NUDT5: variants seen among roughly 807,000 people sequenced by gnomAD.
NUDT5 encodes nudix hydrolase 5, also known as ADP-sugar pyrophosphatase.
A neutral mutation model predicts 34.1 loss-of-function variants in NUDT5; 21 were observed. The ratio of observed to expected loss-of-function variants is 0.62; its 90% CI spans 0.44 to 0.89. The LOEUF is 0.89. Among genes scored for constraint, NUDT5 ranks in the 40% least tolerant of loss-of-function variants. The pLI, the probability that NUDT5 is intolerant of heterozygous loss-of-function variation, is 0.00. For synonymous variants in NUDT5, 85 were observed against 97.6 expected (o/e 0.87, Z 0.76); for missense variants, 249 against 274.8 (o/e 0.91, Z 0.66).
Position 12,170,622 on chromosome 10 carries a change from A to C in NUDT5, c.550+95T>G. 1.7e-6 allele frequency: 2 copies of C among 1,178,212 alleles called. No homozygotes were observed. Among genetic ancestry groups the C allele is most frequent in the Non-Finnish European group, 2.5e-6 (2 of 790,238 alleles). The allele number at this position is 1,178,212 out of a possible 1,614,324, so 73.0% of individuals were successfully genotyped here. ...GGCATTTGACTTTAGTGATACAAAAAAGATAAAGAAATGGAGTTATATTTA... is the reference window on the plus strand; with the variant it reads ...GGCATTTGACTTTAGTGATACAAAACAGATAAAGAAATGGAGTTATATTTA... On this transcript the variant is annotated intron_variant, in intron 9 of 9. Transcript: ENST00000491614. This position sits in a 1 kb window ranked among gnomAD's most constrained non-coding sequence, Gnocchi z 4.9.
Position 12,184,969 on chromosome 10 carries a change from C to G in NUDT5, c.64-13G>C, listed in dbSNP as rs201994643. 2.3e-4 allele frequency: 323 copies of G among 1,424,584 alleles called. No individual in the cohort carries two copies. Among genetic ancestry groups the G allele is most frequent in the Non-Finnish European group, 2.9e-4 (299 of 1,014,462 alleles). The allele number at this position is 1,424,584 out of a possible 1,614,324, so 88.2% of individuals were successfully genotyped here. ...CTTCTGAAATTAACTAAAAGGATATCAGATAATAAGTTGGGAAACTTTCAA... is the reference window on the plus strand; with the variant it reads ...CTTCTGAAATTAACTAAAAGGATATGAGATAATAAGTTGGGAAACTTTCAA... On this transcript the variant is annotated splice_polypyrimidine_tract_variant and intron_variant, in intron 2 of 9. Coordinates refer to ENST00000491614, the MANE Select transcript of NUDT5 (RefSeq NM_014142.4).
At position 12,192,613 on chromosome 10, in the gene NUDT5, G is replaced by A. The variant is rs377228960; in HGVS notation, c.-42+3157C>T. Among the ~76,000 whole-genome samples the A allele has an allele frequency of 6.6e-5, 10 of 152,034 alleles. No individual in the cohort carries two copies. In the South Asian group the frequency reaches 1.5e-3, roughly 22 times the overall value. On this transcript the variant is annotated intron_variant, in intron 1 of 9. Coordinates refer to ENST00000491614, the MANE Select transcript of NUDT5 (RefSeq NM_014142.4). ...TCATGCCTGTAATCCCAGCGCTTTC[G>A]GAGGCCAAGGCAGGTGGATCACTTG...
chr10:12,179,994 T>C (rs998343243), intron 3 of NUDT5, among the ~76,000 whole-genome samples: 1 of 152,150 alleles, frequency 6.6e-6, no homozygotes, highest in Admixed American at 6.5e-5. Flanking sequence ...AGGATCTCTT[T>C]TAAAGGAAGT....
chr10:12,181,481 G>A lies in NUDT5; in HGVS notation c.132-2349C>T, dbSNP rs1284607710. The stretch of plus-strand genomic sequence containing the variant: ...ATTTGCCTTACCCTCTGGGTGTCAT[G>A]CAGGCCTTTTTGACATTTTGAACAG... On this transcript the variant is annotated intron_variant, in intron 3 of 9. Transcript: ENST00000491614. The surrounding 1 kb of genome is among the most constrained non-coding windows in gnomAD (Gnocchi z 5.0). Among the ~76,000 whole-genome samples the A allele has an allele frequency of 6.6e-6, 1 of 152,188 alleles. No individual in the cohort carries two copies. The highest frequency in any genetic ancestry group is 1.5e-5 in the Non-Finnish European group (1 of 68,032).
chr10:12,177,959 A>G lies in NUDT5; in HGVS notation c.182-59T>C, dbSNP rs1564424429. 10 of 1,285,872 alleles carry G rather than the reference A, an allele frequency of 7.8e-6. No homozygotes were observed. In the East Asian group the frequency reaches 2.3e-4, roughly 30 times the overall value. The allele number at this position is 1,285,872 out of a possible 1,614,324, so 79.7% of individuals were successfully genotyped here. ...AATGAGAGGTCAGCAATGCCAGCAC[A>G]TTGTTTAGAGCAAGCTAATGAAAAC... is the stretch of plus-strand genomic sequence containing the variant. On this transcript the variant is annotated intron_variant, in intron 4 of 9. Coordinates refer to ENST00000491614, the MANE Select transcript of NUDT5 (RefSeq NM_014142.4).
rs780884874 is a variant in NUDT5, at chr10:12,179,104, T to C, written c.160A>G (p.Arg54Gly). 1 of 1,614,162 alleles carries C rather than the reference T, an allele frequency of 6.2e-7. No individual in the cohort carries two copies. Among genetic ancestry groups the C allele is most frequent in the South Asian group, 1.1e-5 (1 of 91,082 alleles). The change falls in exon 4 of 10, where the codon AGG becomes GGG. Residue 54 changes from arginine to glycine, a missense_variant. Physicochemically the swap from Arg to Gly is moderately radical, Grantham distance 125 (BLOSUM62 -2). Transcript: ENST00000491614. The stretch of plus-strand genomic sequence containing the variant: ...CTACCATCCGCAGTCTGCTCTTTCC[T>C]GGTTGTACGTTTCACTGATTCCCAA... ...RTWESVKRTT[R>G]KEQTADGVAV...
intron 7 of NUDT5, 152 bp downstream of exon 7, chr10:12,172,613 T>C: frequency 1.6e-6 from 1 of 614,920 alleles, no homozygotes; most frequent in Non-Finnish European, 3.0e-6. Context: ...AAATACATGA[T>C]TAGGAAGAGA....
In NUDT5 at chr10:12,168,439, T is replaced by C. The variant is rs1231079466; in HGVS notation, c.551-628A>G. 6.6e-6 allele frequency among the ~76,000 whole-genome samples: 1 copy of C among 152,228 alleles called. No homozygotes were observed. The highest frequency in any genetic ancestry group is 1.5e-5 in the Non-Finnish European group (1 of 68,032). Reference sequence around the variant, plus strand: ...TTCTGAAACCAGATGGTGATGATTATGTAGGATCTTAGGGATTCCATCTTT... The same window carrying C: ...TTCTGAAACCAGATGGTGATGATTACGTAGGATCTTAGGGATTCCATCTTT... On this transcript the variant is annotated intron_variant, in intron 9 of 9. Transcript: ENST00000491614. The surrounding 1 kb of genome is among the most constrained non-coding windows in gnomAD (Gnocchi z 4.8).
chr10:12,185,095 G>A (rs555169117), intron 2 of NUDT5, 139 bp from the exon 3 acceptor site: 13 of 536,044 alleles, frequency 2.4e-5, no homozygotes, highest in Middle Eastern at 3.7e-4. Context: ...CTGTGGGCAC[G>A]TTTTTCAGTT....
intron 1 of NUDT5, among the ~76,000 whole-genome samples, chr10:12,189,882 G>A (rs892034899): frequency 7.0e-6 from 1 of 142,176 alleles, no homozygotes; most frequent in Non-Finnish European, 1.5e-5. Flanking sequence ...ACACGATGTT[G>A]AGTGTTCTAC....
Position 12,181,701 on chromosome 10 carries a change from G to A in NUDT5, c.132-2569C>T, listed in dbSNP as rs149784399. Among the ~76,000 whole-genome samples the A allele has an allele frequency of 6.6e-6, 1 of 152,188 alleles. No homozygotes were observed. The highest frequency in any genetic ancestry group is 1.9e-4 in the East Asian group (1 of 5,168). On this transcript the variant is annotated intron_variant, in intron 3 of 9. Coordinates refer to ENST00000491614, the MANE Select transcript of NUDT5 (RefSeq NM_014142.4). This position sits in a 1 kb window ranked among gnomAD's most constrained non-coding sequence, Gnocchi z 5.0. ...GTGCGTGCAAAGGATATATCGGGCC[G>A]GGTGTGGTGGCTCACGCCTGAAACC...
rs893081890 is a variant in NUDT5, at chr10:12,168,081, A to G, written c.551-270T>C. On this transcript the variant is annotated intron_variant, in intron 9 of 9. Transcript: ENST00000491614. The surrounding 1 kb of genome is among the most constrained non-coding windows in gnomAD (Gnocchi z 4.8). ...GCTCTGTTGCCCAAGCTAGAGGGCA[A>G]TGGCGTGATCTCGGCTCACTGCAAC... 2.0e-5 allele frequency among the ~76,000 whole-genome samples: 3 copies of G among 151,970 alleles called. No individual in the cohort carries two copies. The highest frequency in any genetic ancestry group is 4.4e-5 in the Non-Finnish European group (3 of 67,990).
At chr10:12,172,993 C>T in intron 6 of NUDT5, 127 bp from the exon 7 acceptor site, 1 of 667,238 alleles carries the variant, frequency 1.5e-6, no homozygotes, top group Non-Finnish European at 2.6e-6. Context: ...CTAGTTCTCA[C>T]ATTTGGTAGG....
chr10:12,170,031 A>C lies in NUDT5; in HGVS notation c.550+686T>G, dbSNP rs1446798289. On this transcript the variant is annotated intron_variant, in intron 9 of 9. Coordinates refer to ENST00000491614, the MANE Select transcript of NUDT5 (RefSeq NM_014142.4). The surrounding 1 kb of genome is among the most constrained non-coding windows in gnomAD (Gnocchi z 4.9). ...TACAGAGGTGCTCCTTGAAGGGCCC[A>C]TGGTATGTCTCCATACAGTATCTCC... 7.2e-7 allele frequency: 1 copy of C among 1,391,866 alleles called. No individual in the cohort carries two copies. Among genetic ancestry groups the C allele is most frequent in the African/African-American group, 1.4e-5 (1 of 70,774 alleles). 86.2% of individuals were successfully genotyped at this position (1,391,866 alleles called of 1,614,324 possible). A position where few individuals can be genotyped will look rare whatever the true frequency, so the allele number is the denominator to read the frequency against.
chr10:12,185,060 A>G, intron 2 of NUDT5, 104 bp from the exon 3 acceptor site: 1 of 663,906 alleles, frequency 1.5e-6, no homozygotes, highest in Non-Finnish European at 2.7e-6. Flanking sequence ...CAGACTCCCA[A>G]TAATCATCTT....
At chr10:12,177,330 C>T (rs906480318) in intron 5 of NUDT5, among the ~76,000 whole-genome samples, 19 of 152,018 alleles carry the variant, frequency 1.2e-4, no homozygotes, top group Admixed American at 1.1e-3. Context: ...CCATCCTGGC[C>T]AACACGGTGA....
rs542581984 is a variant in NUDT5 at position 12,168,304 on chromosome 10, G to A, written c.551-493C>T. The stretch of plus-strand genomic sequence containing the variant: ...CTCCCAAAGTGCTGGGATTACAGGC[G>A]TGAGCTACCGCACCCAGCCAGGGAT... On this transcript the variant is annotated intron_variant, in intron 9 of 9. Coordinates refer to ENST00000491614, the MANE Select transcript of NUDT5 (RefSeq NM_014142.4). The surrounding 1 kb of genome is among the most constrained non-coding windows in gnomAD (Gnocchi z 4.8). Among the ~76,000 whole-genome samples, 4 of 152,288 alleles carry A rather than the reference G, an allele frequency of 2.6e-5. No individual in the cohort carries two copies. Among genetic ancestry groups the A allele is most frequent in the African/African-American group, 9.6e-5 (4 of 41,544 alleles).
In NUDT5 at chr10:12,166,177, A is replaced by C. The variant is rs907767665; in HGVS notation, c.*1525T>G. On this transcript the variant is annotated 3_prime_UTR_variant, in exon 10 of 10. Transcript: ENST00000491614. ...TAAGCTTAGGTCAGCTGCAGAGGTC[A>C]TTCCCATGGGGAGTGGCTGGGGAGG... 5.9e-5 allele frequency: 9 copies of C among 152,458 alleles called. No individual in the cohort carries two copies. The highest frequency in any genetic ancestry group is 2.2e-4 in the African/African-American group (9 of 41,476). 9.4% of individuals were successfully genotyped at this position (152,458 alleles called of 1,614,324 possible). A position where few individuals can be genotyped will look rare whatever the true frequency, so the allele number is the denominator to read the frequency against.
intron 1 of NUDT5, among the ~76,000 whole-genome samples, chr10:12,193,595 C>A (rs1323040109): frequency 2.0e-5 from 3 of 152,206 alleles, no homozygotes; most frequent in African/African-American, 7.2e-5. Flanking sequence ...AGTGAACCCT[C>A]ATTTAGCTGT....
Sources: allele counts gnomAD v4.1 joint callset (sites outside exome capture counted in the v4.1 genomes callset), GRCh38; gene constraint gnomAD v4.1.1; non-coding constraint Gnocchi (gnomAD v3.1); transcripts MANE v1.5; gene names NCBI Gene and HGNC (gene_info 2026-07-23, HGNC 2026-07-21).